The following CELF6 variants were observed in gnomAD, a reference collection of about 807,000 sequenced individuals.
CELF6 encodes Bruno -like 6, RNA binding protein.
CELF6 carries 32 observed loss-of-function variants against 53.1 expected under a neutral mutation model. That is an observed-to-expected ratio of 0.60 (90% CI 0.46 to 0.81). The LOEUF (loss-of-function observed/expected upper bound fraction) is 0.81. CELF6 is among the 30% of genes least tolerant of loss of function. The probability of loss-of-function intolerance (pLI) is 0.00; values close to 1 mark genes in which losing one functional copy is unlikely to be tolerated. For synonymous variants in CELF6, 291 were observed against 288.8 expected (o/e 1.01, Z -0.08); for missense variants, 539 against 669.5 (o/e 0.81, Z 2.15).
At chr15:72,297,767 A>G (rs1359367262) in intron 3 of CELF6, among the ~76,000 whole-genome samples, 1 of 152,236 alleles carries the variant, frequency 6.6e-6, no homozygotes, top group East Asian at 1.9e-4. Flanking sequence ...CATTTAATGG[A>G]TACAGAGTTA....
chr15:72,318,421 A>G (rs1366727939), intron 1 of CELF6, among the ~76,000 whole-genome samples: 1 of 152,210 alleles, frequency 6.6e-6, no homozygotes, highest in East Asian at 1.9e-4. Flanking sequence ...TCTTAGGAAG[A>G]TCATGGAGGA....
Position 72,288,213 on chromosome 15 carries a change from G to A in CELF6, c.1318+95C>T. On this transcript the variant is annotated intron_variant, in intron 11 of 12. Transcript: ENST00000287202. This position sits in a 1 kb window ranked among gnomAD's most constrained non-coding sequence, Gnocchi z 4.6. The stretch of plus-strand genomic sequence containing the variant: ...TTTTGTGCCATACATTCAATCTCAG[G>A]AAATCACTGCATTATGGAAGGGCAA... The A allele has an allele frequency of 7.5e-7, 1 of 1,334,300 alleles. No homozygotes were observed. The highest frequency in any genetic ancestry group is 1.7e-5 in the Admixed American group (1 of 58,552). The allele number at this position is 1,334,300 out of a possible 1,614,324, so 82.7% of individuals were successfully genotyped here. A position where few individuals can be genotyped will look rare whatever the true frequency, so the allele number is the denominator to read the frequency against.
intron 2 of CELF6, among the ~76,000 whole-genome samples, chr15:72,307,988 G>A (rs559557357): frequency 2.0e-5 from 3 of 152,284 alleles, no homozygotes; most frequent in African/African-American, 4.8e-5. Flanking sequence ...CTGCAAGCCT[G>A]AAGGAGCAAA....
chr15:72,284,924 C>T lies in CELF6; in HGVS notation c.*1447G>A, dbSNP rs1486438484. 1.3e-5 allele frequency: 2 copies of T among 152,648 alleles called. No individual in the cohort carries two copies. Among genetic ancestry groups the T allele is most frequent in the Non-Finnish European group, 2.9e-5 (2 of 68,090 alleles). 9.5% of individuals were successfully genotyped at this position (152,648 alleles called of 1,614,324 possible). A position where few individuals can be genotyped will look rare whatever the true frequency, so the allele number is the denominator to read the frequency against. On this transcript the variant is annotated 3_prime_UTR_variant, in exon 13 of 13. Coordinates refer to ENST00000287202, the MANE Select transcript of CELF6 (RefSeq NM_052840.5). ...GCCTGTGGGGTGGAGGGGAAATCCT[C>T]CTGGGAAAAATATGTGCAAGGCCCT...
At chr15:72,318,584 A>G (rs751816479) in intron 1 of CELF6, among the ~76,000 whole-genome samples, 1 of 152,114 alleles carries the variant, frequency 6.6e-6, no homozygotes, top group Non-Finnish European at 1.5e-5. Context: ...CCCTGCCTGG[A>G]CAGACTTTTC....
At chr15:72,304,244 C>T (rs560773537) in intron 3 of CELF6, among the ~76,000 whole-genome samples, 8 of 152,228 alleles carry the variant, frequency 5.3e-5, no homozygotes, top group African/African-American at 1.9e-4. Flanking sequence ...TTCCATGGTC[C>T]TCAGCATAGA....
Position 72,319,764 on chromosome 15 carries a change from G to A in CELF6, c.111C>T (p.Ala37=). ...TGGCGTCGTGGTCCTTCATGGGTAC[G>A]GCGGGACCGGGGTTTAGCCCGCTCA... ...VGMSGLNPGP[A]VPMKDHDAIK... is the part of the protein sequence containing the mutation. Residue 37 remains alanine, a synonymous_variant, in exon 1 of 13, where the codon GCC becomes GCT. Coordinates refer to ENST00000287202, the MANE Select transcript of CELF6 (RefSeq NM_052840.5). This position sits in a 1 kb window ranked among gnomAD's most constrained non-coding sequence, Gnocchi z 5.0. 6.3e-7 allele frequency: 1 copy of A among 1,588,072 alleles called. No individual in the cohort carries two copies.
At chr15:72,314,573 A>T (rs1319970908) in intron 2 of CELF6, among the ~76,000 whole-genome samples, 2 of 144,754 alleles carry the variant, frequency 1.4e-5, no homozygotes, top group Non-Finnish European at 3.0e-5. Flanking sequence ...CAGGTCTGTG[A>T]GACTCAAAAC....
chr15:72,315,308 A>G (rs1402640654), intron 2 of CELF6, among the ~76,000 whole-genome samples: 1 of 152,196 alleles, frequency 6.6e-6, no homozygotes, highest in Non-Finnish European at 1.5e-5. Flanking sequence ...ACCAGGTACC[A>G]TTGGTGCCTA....
intron 12 of CELF6, among the ~76,000 whole-genome samples, chr15:72,287,028 TG>T (rs1480530890): frequency 6.6e-6 from 1 of 152,252 alleles, no homozygotes; most frequent in Non-Finnish European, 1.5e-5. Context: ...TCTCCTAGAC[TG>T]CGGGGCAGGA....
Position 72,288,782 on chromosome 15 carries a change from G to T in CELF6, c.1093+86C>A. 1 of 1,409,736 alleles carries T rather than the reference G, an allele frequency of 7.1e-7. No individual in the cohort carries two copies. The highest frequency in any genetic ancestry group is 9.8e-7 in the Non-Finnish European group (1 of 1,017,800). 87.3% of individuals were successfully genotyped at this position (1,409,736 alleles called of 1,614,324 possible). On this transcript the variant is annotated intron_variant, in intron 9 of 12. Transcript: ENST00000287202. The surrounding 1 kb of genome is among the most constrained non-coding windows in gnomAD (Gnocchi z 4.6). ...AGGGGATGGGAGGATCAACTCCTTG[G>T]AACAGAGCCTAAATCCCCCACAACT...
At chr15:72,308,975 G>A (rs1357632404) in intron 2 of CELF6, among the ~76,000 whole-genome samples, 4 of 152,086 alleles carry the variant, frequency 2.6e-5, no homozygotes, top group African/African-American at 7.2e-5. Flanking sequence ...GTACAGTGGC[G>A]CCATCATAGC....
chr15:72,290,966 C>G (rs994505794), intron 3 of CELF6, among the ~76,000 whole-genome samples: 5 of 152,196 alleles, frequency 3.3e-5, no homozygotes, highest in African/African-American at 1.2e-4. Context: ...GAACCCCTGA[C>G]CCCTTTCCTT....
intron 2 of CELF6, among the ~76,000 whole-genome samples, chr15:72,307,236 C>A (rs1216244334): frequency 6.6e-6 from 1 of 152,074 alleles, no homozygotes; most frequent in Non-Finnish European, 1.5e-5. Context: ...GGGGACGCCA[C>A]CTTCTCTCCT....
chr15:72,294,198 C>T (rs932191144), intron 3 of CELF6, among the ~76,000 whole-genome samples: 2 of 152,184 alleles, frequency 1.3e-5, no homozygotes, highest in African/African-American at 4.8e-5. Context: ...GGAGCGTCTG[C>T]CTCATGTTGC....
At chr15:72,318,186 G>A (rs1365086586) in intron 1 of CELF6, among the ~76,000 whole-genome samples, 2 of 152,100 alleles carry the variant, frequency 1.3e-5, no homozygotes, top group African/African-American at 4.8e-5. Context: ...AGATGGTGAG[G>A]TATTGTCCTT....
At position 72,320,097 on chromosome 15, in the gene CELF6, T is replaced by A. The variant is rs1308984441; in HGVS notation, c.-223A>T. The A allele has an allele frequency of 3.1e-6, 2 of 651,362 alleles. No homozygotes were observed. Among genetic ancestry groups the A allele is most frequent in the Admixed American group, 4.2e-5 (2 of 48,134 alleles). 40.3% of individuals were successfully genotyped at this position (651,362 alleles called of 1,614,324 possible). The stretch of plus-strand genomic sequence containing the variant: ...GGCGGGCCCGGGCCGAGGTGGCGGC[T>A]GAACGCTGGGGTCTGGCTTGAGGTC... On this transcript the variant is annotated 5_prime_UTR_variant, in exon 1 of 13. Transcript: ENST00000287202.
At chr15:72,313,898 T>A (rs1209010366) in intron 2 of CELF6, among the ~76,000 whole-genome samples, 1 of 152,230 alleles carries the variant, frequency 6.6e-6, no homozygotes, top group Non-Finnish European at 1.5e-5. Context: ...CATTGAGTAC[T>A]TTAGTTCACT....
At chr15:72,298,933 C>G (rs879897100) in intron 3 of CELF6, among the ~76,000 whole-genome samples, 1 of 152,172 alleles carries the variant, frequency 6.6e-6, no homozygotes, top group Non-Finnish European at 1.5e-5. Flanking sequence ...CTAGGCCAGG[C>G]ACAGTGGATC....
Sources: gnomAD v4.1 joint callset for allele counts (sites outside exome capture counted in the v4.1 genomes callset) on GRCh38, gnomAD v4.1.1 for gene constraint, Gnocchi (gnomAD v3.1) non-coding constraint, MANE v1.5 for transcripts, NCBI Gene and HGNC (gene_info 2026-07-23, HGNC 2026-07-21) for gene names.